GRM8: variants seen among roughly 807,000 people sequenced by gnomAD.
The protein encoded by GRM8 is glutamate metabotropic receptor 8.
A neutral mutation model predicts 87.2 loss-of-function variants in GRM8; 47 were observed. The ratio of observed to expected loss-of-function variants is 0.54; its 90% CI spans 0.43 to 0.69. The LOEUF is 0.69. GRM8 is among the 30% of genes least tolerant of loss of function. The pLI is 0.00. For synonymous variants in GRM8, 396 were observed against 404.5 expected (o/e 0.98, Z 0.25); for missense variants, 1,019 against 1,139.2 (o/e 0.89, Z 1.52).
intron 2 of GRM8, among the ~76,000 whole-genome samples, chr7:127,129,017 T>A (rs1827529854): frequency 6.6e-6 from 1 of 152,186 alleles, no homozygotes; most frequent in South Asian, 2.1e-4. Context: ...ATATTAATCA[T>A]ATGACTTCAT....
rs2150858921 is a variant in GRM8 at position 126,533,498 on chromosome 7, C to A, written c.1884G>T (p.Gly628=). The A allele has an allele frequency of 6.2e-7, 1 of 1,614,052 alleles. No individual in the cohort carries two copies. Among genetic ancestry groups the A allele is most frequent in the Non-Finnish European group, 8.5e-7 (1 of 1,180,002 alleles). ...GRELSYVLLT[G]IFLCYSITFL... ...ACGTGATTGAATAACAGAGAAAAAT[C>A]CCCGTTAGGAGCACGTAACTAAGTT... The change falls in exon 9 of 11, where the codon GGG becomes GGT. Residue 628 remains glycine, a synonymous_variant. Transcript: ENST00000339582.
intron 3 of GRM8, among the ~76,000 whole-genome samples, chr7:126,948,847 C>T (rs879319064): frequency 1.3e-5 from 2 of 152,222 alleles, no homozygotes; most frequent in Non-Finnish European, 2.9e-5. Flanking sequence ...CTGTCCTGAA[C>T]CCAAGAGAAG....
chr7:127,020,026 A>G (rs1328275298), intron 3 of GRM8, among the ~76,000 whole-genome samples: 1 of 152,114 alleles, frequency 6.6e-6, no homozygotes, highest in Non-Finnish European at 1.5e-5. Context: ...TACAGAACAG[A>G]TCCCAACCTA....
intron 9 of GRM8, among the ~76,000 whole-genome samples, chr7:126,486,564 A>G (rs1311139243): frequency 6.6e-6 from 1 of 152,026 alleles, no homozygotes; most frequent in Non-Finnish European, 1.5e-5. Context: ...AGCTACATAT[A>G]TAGATCTCAC....
chr7:126,574,855 T>A (rs186602227), intron 8 of GRM8, among the ~76,000 whole-genome samples: 1 of 152,200 alleles, frequency 6.6e-6, no homozygotes, highest in Non-Finnish European at 1.5e-5. Context: ...GACCTGACTG[T>A]TAAGGTGTGG....
At chr7:126,716,270 T>G (rs1811729112) in intron 7 of GRM8, among the ~76,000 whole-genome samples, 1 of 152,100 alleles carries the variant, frequency 6.6e-6, no homozygotes, top group South Asian at 2.1e-4. Context: ...GACTCCTGAA[T>G]TGTAGTCTAA....
At chr7:127,159,571 GAA>G (rs540110249) in intron 2 of GRM8, among the ~76,000 whole-genome samples, 205 of 147,418 alleles carry the variant, frequency 1.4e-3, no homozygotes, top group Non-Finnish European at 2.2e-3. Flanking sequence ...ATTTCTGGGA[GAA>G]AAAAAAAATG....
chr7:127,074,172 A>G (rs908329877), intron 3 of GRM8, among the ~76,000 whole-genome samples: 4 of 152,258 alleles, frequency 2.6e-5, no homozygotes, highest in Admixed American at 6.5e-5. Flanking sequence ...AAACTTTTAA[A>G]TAATAGAAGG....
At position 126,616,634 on chromosome 7, in the gene GRM8, C is replaced by T. The variant is rs549808978; in HGVS notation, c.1358-7136G>A. On this transcript the variant is annotated intron_variant, in intron 7 of 10. Coordinates refer to ENST00000339582, the MANE Select transcript of GRM8 (RefSeq NM_000845.3). ...CAAAATTGATAGACCGCTAGCAAGA[C>T]TAATAAAGAAGAAAAGAGGGAAGAA... 2.0e-5 allele frequency among the ~76,000 whole-genome samples: 3 copies of T among 151,986 alleles called. 1 individual carries two copies. The highest frequency in any genetic ancestry group is 2.4e-5 in the African/African-American group (1 of 41,434).
rs142994996 is a variant in GRM8, at chr7:127,213,587, G to A, written c.510+29108C>T. Among the ~76,000 whole-genome samples, 17 of 152,174 alleles carry A rather than the reference G, an allele frequency of 1.1e-4. 3 individuals are homozygous for A. Among genetic ancestry groups the A allele is most frequent in the African/African-American group, 3.9e-4 (16 of 41,512 alleles). The stretch of plus-strand genomic sequence containing the variant: ...AGCTCTCTTCAATTACACATAAATT[G>A]GGTCTTCTAATTTTATCCTTTATCT... On this transcript the variant is annotated intron_variant, in intron 2 of 10. Transcript: ENST00000339582.
intron 7 of GRM8, among the ~76,000 whole-genome samples, chr7:126,630,470 A>T (rs1473793764): frequency 6.6e-6 from 1 of 152,188 alleles, no homozygotes; most frequent in Non-Finnish European, 1.5e-5. Context: ...AAGAGCTGGT[A>T]CCATTCCTAC....
At chr7:126,472,938 T>C (rs1162428356) in intron 9 of GRM8, among the ~76,000 whole-genome samples, 1 of 152,186 alleles carries the variant, frequency 6.6e-6, no homozygotes, top group Non-Finnish European at 1.5e-5. Context: ...TGTGGGTGCA[T>C]AAAAGTCAAG....
intron 6 of GRM8, among the ~76,000 whole-genome samples, chr7:126,809,231 A>G (rs1793063776): frequency 6.6e-6 from 1 of 152,202 alleles, no homozygotes; most frequent in African/African-American, 2.4e-5. Flanking sequence ...GGATAATGTA[A>G]AAGTCAACTA....
At chr7:127,185,124 T>C (rs1587225213) in intron 2 of GRM8, among the ~76,000 whole-genome samples, 1 of 152,190 alleles carries the variant, frequency 6.6e-6, no homozygotes, top group Middle Eastern at 3.4e-3. Flanking sequence ...CTAAAGTTTA[T>C]CCATTTAAGT....
intron 2 of GRM8, among the ~76,000 whole-genome samples, chr7:127,163,535 A>C (rs767415202): frequency 6.6e-6 from 1 of 152,156 alleles, no homozygotes; most frequent in Non-Finnish European, 1.5e-5. Flanking sequence ...GAATTCCCTT[A>C]ATTCCTTTTA....
intron 7 of GRM8, among the ~76,000 whole-genome samples, chr7:126,617,912 T>C (rs1585241027): frequency 6.6e-6 from 1 of 152,216 alleles, no homozygotes; most frequent in African/African-American, 2.4e-5. Context: ...TCCATCCTCA[T>C]GGATGGGAAG....
chr7:126,767,479 C>G (rs189757778), intron 7 of GRM8, among the ~76,000 whole-genome samples: 3 of 152,144 alleles, frequency 2.0e-5, no homozygotes, highest in African/African-American at 7.2e-5. Flanking sequence ...AATGTGTTCT[C>G]TCTTGAAAAA....
At chr7:126,836,940 ATT>A (rs1480493093) in intron 6 of GRM8, among the ~76,000 whole-genome samples, 1 of 152,124 alleles carries the variant, frequency 6.6e-6, no homozygotes, top group East Asian at 1.9e-4. Context: ...AAGTCATCCA[ATT>A]TCTCTGAGCT....
intron 8 of GRM8, among the ~76,000 whole-genome samples, chr7:126,574,144 A>G (rs1286054485): frequency 6.6e-6 from 1 of 152,202 alleles, no homozygotes; most frequent in South Asian, 2.1e-4. Flanking sequence ...TGTTACCATC[A>G]CCCACCTACC....
Sources: allele counts gnomAD v4.1 joint callset (sites outside exome capture counted in the v4.1 genomes callset), GRCh38; gene constraint gnomAD v4.1.1; transcripts MANE v1.5; gene names NCBI Gene and HGNC (gene_info 2026-07-23, HGNC 2026-07-21).